Variants in MYCBP2 observed in about 807,000 individuals in gnomAD.
MYCBP2 encodes MYC binding protein 2, also known as E3 ubiquitin-protein ligase MYCBP2.
A neutral mutation model predicts 525.3 loss-of-function variants in MYCBP2; 120 were observed. The ratio of observed to expected loss-of-function variants is 0.23; its 90% CI spans 0.20 to 0.27. MYCBP2 has a LOEUF of 0.27. Among genes scored for constraint, MYCBP2 ranks in the 10% least tolerant of loss-of-function variants. The probability of loss-of-function intolerance (pLI) is 1.00; values close to 1 mark genes in which losing one functional copy is unlikely to be tolerated. For missense variants in MYCBP2, 4,149 were observed against 5,657.1 expected (o/e 0.73, Z 8.55); for synonymous variants, 1,894 against 1,955.8 (o/e 0.97, Z 0.83).
chr13:77,180,310 C>T lies in MYCBP2; in HGVS notation c.4950G>A (p.Glu1650=). The change falls in exon 34 of 83, where the codon GAG becomes GAA. Residue 1650 remains glutamate (E), a synonymous_variant. Coordinates refer to ENST00000544440, the MANE Select transcript of MYCBP2 (RefSeq NM_015057.5). ...GGAAGCTTGTCATCCCTGAGATATTCTCTTCACTCTGCGATACATAAGAAA... is the reference window on the plus strand; with the variant it reads ...GGAAGCTTGTCATCCCTGAGATATTTTCTTCACTCTGCGATACATAAGAAA... ...AHMEKLSQSE[E]NISGMTSFRE... 1 of 1,614,030 alleles carries T rather than the reference C, an allele frequency of 6.2e-7. No homozygotes were observed. Among genetic ancestry groups the T allele is most frequent in the Non-Finnish European group, 8.5e-7 (1 of 1,179,934 alleles).
chr13:77,326,386 C>G lies in MYCBP2; in HGVS notation c.302+88G>C, dbSNP rs551274228. ...CAATAAATGCGCAGGTACACACACGCAAGCACACACACACGCGGGTGCACG... is the reference window on the plus strand; with the variant it reads ...CAATAAATGCGCAGGTACACACACGGAAGCACACACACACGCGGGTGCACG... On this transcript the variant is annotated intron_variant, in intron 1 of 82. Transcript: ENST00000544440. The surrounding 1 kb of genome is among the most constrained non-coding windows in gnomAD (Gnocchi z 4.2). 6 of 1,321,496 alleles carry G rather than the reference C, an allele frequency of 4.5e-6. No individual in the cohort carries two copies. The highest frequency in any genetic ancestry group is 1.9e-4 in the Middle Eastern group (1 of 5,216). The allele number at this position is 1,321,496 out of a possible 1,614,324, so 81.9% of individuals were successfully genotyped here.
At chr13:77,133,472 G>C (rs1248806366) in intron 52 of MYCBP2, among the ~76,000 whole-genome samples, 1 of 152,156 alleles carries the variant, frequency 6.6e-6, no homozygotes, top group African/African-American at 2.4e-5. Flanking sequence ...AGAAACAAAT[G>C]TGAGTGAGAA....
At chr13:77,128,042 T>G (rs995277229) in intron 52 of MYCBP2, among the ~76,000 whole-genome samples, 11 of 151,850 alleles carry the variant, frequency 7.2e-5, no homozygotes, top group Non-Finnish European at 1.2e-4. Context: ...CTCAAAAAAC[T>G]TAGATTTACA....
At chr13:77,317,938 A>AAACATAACATAACATAACATAACAT (rs71102740) in intron 1 of MYCBP2, among the ~76,000 whole-genome samples, 4 of 132,064 alleles carry the variant, frequency 3.0e-5, no homozygotes, top group East Asian at 4.7e-4. Flanking sequence ...CTCCGTCTCA[A>AAACATAACATAACATAACATAACAT]AACATAACAT....
chr13:77,105,330 C>T (rs897135837), intron 55 of MYCBP2, among the ~76,000 whole-genome samples: 1 of 152,004 alleles, frequency 6.6e-6, no homozygotes, highest in African/African-American at 2.4e-5. Flanking sequence ...AAATGGCCTT[C>T]AAGTCTTTTC....
intron 1 of MYCBP2, among the ~76,000 whole-genome samples, chr13:77,313,741 C>T (rs571695720): frequency 1.3e-5 from 2 of 151,690 alleles, no homozygotes; most frequent in African/African-American, 4.8e-5. Context: ...TCCAAAATAC[C>T]AAGAACTTTT....
chr13:77,065,515 G>A (rs1251593665), intron 72 of MYCBP2, among the ~76,000 whole-genome samples: 1 of 152,096 alleles, frequency 6.6e-6, no homozygotes, highest in Non-Finnish European at 1.5e-5. Flanking sequence ...ATCAGAGCCA[G>A]GCATTCTGTA....
In MYCBP2 at chr13:77,288,169, G is replaced by A. The variant is rs2077087078; in HGVS notation, c.586C>T (p.Leu196Phe). 6.2e-7 allele frequency: 1 copy of A among 1,613,834 alleles called. No individual in the cohort carries two copies. Among genetic ancestry groups the A allele is most frequent in the Non-Finnish European group, 8.5e-7 (1 of 1,179,988 alleles). ...AGAACTCAGTGGCTTACCTTTGGAA[G>A]CTTGATAGGGGGCTCTTTGGATTCC... ...EEESKEPPIKLPKIIEVGLCE... is the reference protein window; with the variant it reads ...EEESKEPPIKFPKIIEVGLCE... The change falls in exon 3 of 83, where the codon CTT becomes TTT. Residue 196 changes from leucine to phenylalanine, a missense_variant. By Grantham distance (22) the Leu-to-Phe change is conservative (BLOSUM62 0). Around this residue, in one of 21 missense-constraint regions of MYCBP2, gnomAD observed 413 missense variants for 451.2 expected, o/e 0.92. Transcript: ENST00000544440.
intron 1 of MYCBP2, among the ~76,000 whole-genome samples, chr13:77,306,310 T>C (rs1421588623): frequency 6.6e-6 from 1 of 152,186 alleles, no homozygotes; most frequent in Non-Finnish European, 1.5e-5. Flanking sequence ...AATGAATAAA[T>C]TAGGGAGGAA....
intron 26 of MYCBP2, 66 bp downstream of exon 26, chr13:77,205,190 A>G: frequency 7.5e-7 from 1 of 1,334,270 alleles, no homozygotes; most frequent in Non-Finnish European, 9.8e-7. Flanking sequence ...TAAATAATAA[A>G]ATAATAAATT....
At chr13:77,145,213 A>C (rs2055334850) in intron 48 of MYCBP2, among the ~76,000 whole-genome samples, 1 of 152,138 alleles carries the variant, frequency 6.6e-6, no homozygotes, top group African/African-American at 2.4e-5. Flanking sequence ...AAAGTCACCA[A>C]TGACCACCAC....
At chr13:77,209,835 C>T (rs1209204736) in intron 23 of MYCBP2, among the ~76,000 whole-genome samples, 2 of 152,148 alleles carry the variant, frequency 1.3e-5, no homozygotes, top group Admixed American at 6.5e-5. Context: ...ATGCAAGCCT[C>T]GTTATTAATC....
intron 55 of MYCBP2, among the ~76,000 whole-genome samples, chr13:77,107,342 C>T (rs530798964): frequency 2.6e-4 from 40 of 152,206 alleles, no homozygotes; most frequent in African/African-American, 9.4e-4. Flanking sequence ...ATTATGCCTT[C>T]AACTTGGCCA....
At chr13:77,220,414 C>A (rs117936226) in intron 20 of MYCBP2, among the ~76,000 whole-genome samples, 3,471 of 152,098 alleles carry the variant, frequency 0.023, 64 homozygotes, top group South Asian at 0.045. Flanking sequence ...CATATAGCTA[C>A]CAAGTGACAG....
chr13:77,317,428 TCA>T (rs2081085179), intron 1 of MYCBP2, among the ~76,000 whole-genome samples: 1 of 152,302 alleles, frequency 6.6e-6, no homozygotes, highest in East Asian at 1.9e-4. Flanking sequence ...CCCAGGTGAT[TCA>T]CAGAGTGATG....
chr13:77,294,133 T>TATATATATATATATATATAC (rs2077902143), intron 2 of MYCBP2, among the ~76,000 whole-genome samples: 1 of 127,272 alleles, frequency 7.9e-6, no homozygotes, highest in Non-Finnish European at 1.7e-5. Context: ...TATATATACA[T>TATATATATATATATATATAC]ATATATATAC....
intron 55 of MYCBP2, chr13:77,100,209 G>A (rs949640222): frequency 7.9e-5 from 12 of 152,088 alleles, no homozygotes; most frequent in African/African-American, 2.9e-4. Flanking sequence ...AAAAGGATGT[G>A]AACAAATTCA....
At chr13:77,291,658 T>C (rs2077488081) in intron 2 of MYCBP2, among the ~76,000 whole-genome samples, 1 of 151,858 alleles carries the variant, frequency 6.6e-6, no homozygotes, top group African/African-American at 2.4e-5. Flanking sequence ...TCCCAGCTCC[T>C]CGGGAGCCTG....
At chr13:77,206,912 A>G in intron 23 of MYCBP2, 87 bp from the exon 24 acceptor site, 1 of 1,154,092 alleles carries the variant, frequency 8.7e-7, no homozygotes, top group South Asian at 2.1e-5. Context: ...ATACAAAGAG[A>G]ATAAATAATA....
Sources: allele counts gnomAD v4.1 joint callset (sites outside exome capture counted in the v4.1 genomes callset), GRCh38; gene constraint gnomAD v4.1.1; regional missense constraint gnomAD v4.1.1; non-coding constraint Gnocchi (gnomAD v3.1); transcripts MANE v1.5; gene names NCBI Gene and HGNC (gene_info 2026-07-23, HGNC 2026-07-21).